The following PYGO1 variants were observed in gnomAD, a reference collection of about 807,000 sequenced individuals.
PYGO1 encodes the protein pygopus homolog 1.
A neutral mutation model predicts 29.5 loss-of-function variants in PYGO1; 6 were observed. That is an observed-to-expected ratio of 0.20 (90% confidence interval 0.11 to 0.40). The LOEUF (loss-of-function observed/expected upper bound fraction) is 0.40. Among genes scored for constraint, PYGO1 ranks in the 10% least tolerant of loss-of-function variants. The pLI is 1.00. For missense variants in PYGO1, 515 were observed against 514.9 expected (o/e 1.00, Z 0.00); for synonymous variants, 186 against 180.5 (o/e 1.03, Z -0.24).
At chr15:55,588,741 C>A, upstream of PYGO1, 1 of 1,548,788 alleles carries the variant, frequency 6.5e-7, no homozygotes. Flanking sequence ...CTCCGAACTT[C>A]GTCGGAGGCC....
At chr15:55,571,934 A>G (rs2141669232) in intron 1 of PYGO1, among the ~76,000 whole-genome samples, 1 of 152,306 alleles carries the variant, frequency 6.6e-6, no homozygotes. Flanking sequence ...ATGGCTAGCC[A>G]CAACAGGGAA....
intron 1 of PYGO1, among the ~76,000 whole-genome samples, chr15:55,564,581 TGGCCATGCCTGTCCCAG>T (rs36087824): frequency 0.27 from 41,444 of 151,968 alleles, 6,599 homozygotes; most frequent in South Asian, 0.42. Flanking sequence ...GGGGTTCTGG[TGGCCATGCCTGTCCCAG>T]GGCCATGCAA....
chr15:55,555,134 G>A (rs1014257076), intron 1 of PYGO1, among the ~76,000 whole-genome samples: 1 of 152,058 alleles, frequency 6.6e-6, no homozygotes, highest in African/African-American at 2.4e-5. Context: ...CCTACAAAGG[G>A]AAACCAATCA....
At chr15:55,547,170 A>C in intron 2 of PYGO1, 23 bp from the exon 3 acceptor site, 1 of 1,545,890 alleles carries the variant, frequency 6.5e-7, no homozygotes. Context: ...TGTAAAGTAA[A>C]ATACATGTTT....
intron 1 of PYGO1, among the ~76,000 whole-genome samples, chr15:55,582,266 G>A (rs890878943): frequency 1.3e-5 from 2 of 151,500 alleles, no homozygotes; most frequent in African/African-American, 2.4e-5. Flanking sequence ...ACAGTGTTGC[G>A]TGGGAGTAGG....
intron 1 of PYGO1, 115 bp downstream of exon 1, chr15:55,587,720 C>G (rs1393502611): frequency 9.1e-6 from 11 of 1,206,492 alleles, no homozygotes; most frequent in Non-Finnish European, 1.1e-5. Flanking sequence ...CGGCGGGACG[C>G]GGGCTGCGCG....
intron 1 of PYGO1, among the ~76,000 whole-genome samples, chr15:55,580,066 A>G (rs572538386): frequency 5.9e-5 from 9 of 152,358 alleles, no homozygotes; most frequent in Middle Eastern, 6.8e-3. Context: ...TTAGGAGAGT[A>G]GGTGGATGGT....
chr15:55,557,099 G>A (rs1213687084), intron 1 of PYGO1, among the ~76,000 whole-genome samples: 2 of 151,532 alleles, frequency 1.3e-5, no homozygotes, highest in African/African-American at 2.4e-5. Flanking sequence ...AAAGGAGGAC[G>A]ACTAATAAAG....
Position 55,587,633 on chromosome 15 carries a change from G to A in PYGO1, c.49+202C>T, listed in dbSNP as rs138056158. ...CTCCGAACACAAAGTCGGGAGGCGA[G>A]GGATCCGCGCGGATGTCTCGGGGGC... On this transcript the variant is annotated intron_variant, in intron 1 of 2. Coordinates refer to ENST00000563719, the MANE Select transcript of PYGO1 (RefSeq NM_001367806.1). Among the ~76,000 whole-genome samples, 541 of 152,000 alleles carry A rather than the reference G, an allele frequency of 3.6e-3. 14 individuals are homozygous for A. The East Asian group carries it at 0.053, about 15-fold the overall frequency.
chr15:55,550,454 G>A (rs1164482446), intron 1 of PYGO1, among the ~76,000 whole-genome samples: 1 of 151,992 alleles, frequency 6.6e-6, no homozygotes, highest in Non-Finnish European at 1.5e-5. Flanking sequence ...TCTGGCACTG[G>A]TAGTCCATCA....
chr15:55,576,248 A>G (rs2059001004), intron 1 of PYGO1, among the ~76,000 whole-genome samples: 1 of 145,298 alleles, frequency 6.9e-6, no homozygotes, highest in Non-Finnish European at 1.5e-5. Flanking sequence ...CGAGGTCAGG[A>G]GATCGAGACC....
rs2058825008 is a variant in PYGO1 at position 55,540,675 on chromosome 15, G to C, written c.*5348C>G. ...AATTTCCTTTGCCATAGGAATAAAT[G>C]TTGGACAAAGTCTGGAAACATTTTT... On this transcript the variant is annotated 3_prime_UTR_variant, in exon 3 of 3. Transcript: ENST00000563719. 1 of 152,098 alleles carries C rather than the reference G, an allele frequency of 6.6e-6. No individual in the cohort carries two copies. Among genetic ancestry groups the C allele is most frequent in the African/African-American group, 2.4e-5 (1 of 41,418 alleles). 9.4% of individuals were successfully genotyped at this position (152,098 alleles called of 1,614,324 possible). A position where few individuals can be genotyped will look rare whatever the true frequency, so the allele number is the denominator to read the frequency against.
At chr15:55,547,232 T>C in intron 2 of PYGO1, 85 bp from the exon 3 acceptor site, 1 of 1,183,290 alleles carries the variant, frequency 8.5e-7, no homozygotes, top group Non-Finnish European at 1.1e-6. Flanking sequence ...CCTGTGAACC[T>C]AGTATTAGTC....
upstream of PYGO1, among the ~76,000 whole-genome samples, chr15:55,588,573 G>T (rs1202575832): frequency 7.1e-6 from 1 of 140,188 alleles, no homozygotes; most frequent in Non-Finnish European, 1.6e-5. Flanking sequence ...CTCCAAGCCG[G>T]GGCTCGCGGG....
intron 1 of PYGO1, among the ~76,000 whole-genome samples, chr15:55,571,679 G>C (rs576334243): frequency 9.2e-5 from 14 of 152,280 alleles, no homozygotes; most frequent in Admixed American, 2.6e-4. Flanking sequence ...ACATGGAACT[G>C]TAAGTCCATT....
chr15:55,542,026 A>C lies in PYGO1; in HGVS notation c.*3997T>G, dbSNP rs1282598555. ...TTTTTTTTTAATTGAAAAAGATATA[A>C]AACAGCACAAATGTCCATGCATAAG... On this transcript the variant is annotated 3_prime_UTR_variant, in exon 3 of 3. Transcript: ENST00000563719. 1.3e-5 allele frequency: 2 copies of C among 152,210 alleles called. No individual in the cohort carries two copies. Among genetic ancestry groups the C allele is most frequent in the Non-Finnish European group, 2.9e-5 (2 of 68,028 alleles). 9.4% of individuals were successfully genotyped at this position (152,210 alleles called of 1,614,324 possible).
At chr15:55,560,936 G>C (rs1182553624) in intron 1 of PYGO1, among the ~76,000 whole-genome samples, 1 of 152,092 alleles carries the variant, frequency 6.6e-6, no homozygotes, top group Admixed American at 6.6e-5. Flanking sequence ...CTGGGCGACA[G>C]AGCAAGACTC....
At chr15:55,570,087 T>C (rs773122578) in intron 1 of PYGO1, among the ~76,000 whole-genome samples, 7 of 152,166 alleles carry the variant, frequency 4.6e-5, no homozygotes, top group Admixed American at 1.3e-4. Context: ...AGTGGAAAGG[T>C]CAGTCAGAGA....
At chr15:55,568,124 A>G (rs1370918172) in intron 1 of PYGO1, among the ~76,000 whole-genome samples, 1 of 152,172 alleles carries the variant, frequency 6.6e-6, no homozygotes, top group African/African-American at 2.4e-5. Context: ...ATTCCATTGT[A>G]GTTTGATAGA....
Sources: gnomAD v4.1 joint callset for allele counts (sites outside exome capture counted in the v4.1 genomes callset) on GRCh38, gnomAD v4.1.1 for gene constraint, MANE v1.5 for transcripts, NCBI Gene and HGNC (gene_info 2026-07-23, HGNC 2026-07-21) for gene names.